SLC2A2: variants seen among roughly 807,000 people sequenced by gnomAD.
SLC2A2 encodes solute carrier family 2, facilitated glucose transporter member 2.
Under a neutral mutation model 54.5 loss-of-function variants are expected in SLC2A2, and 36 were observed. The ratio of observed to expected loss-of-function variants is 0.66; its 90% CI spans 0.51 to 0.87. SLC2A2 has a LOEUF of 0.87. Among genes scored for constraint, SLC2A2 ranks in the 40% least tolerant of loss-of-function variants. The pLI is 0.00. For synonymous variants in SLC2A2, 223 were observed against 219.1 expected (o/e 1.02, Z -0.16); for missense variants, 543 against 624.3 (o/e 0.87, Z 1.39).
At position 171,021,606 on chromosome 3, in the gene SLC2A2, C is replaced by T. The variant is rs571398711; in HGVS notation, c.16-2983G>A. ...TTCATGACCAGCCTGGGCAGCATAGCGAGATCCCCATCTCTACAACAACAT... is the reference window on the plus strand; with the variant it reads ...TTCATGACCAGCCTGGGCAGCATAGTGAGATCCCCATCTCTACAACAACAT... On this transcript the variant is annotated intron_variant, in intron 1 of 10. Coordinates refer to ENST00000314251, the MANE Select transcript of SLC2A2 (RefSeq NM_000340.2). Among the ~76,000 whole-genome samples, 15 of 152,240 alleles carry T rather than the reference C, an allele frequency of 9.9e-5. No individual in the cohort carries two copies. In the South Asian group the frequency reaches 2.1e-3, roughly 21 times the overall value.
intron 2 of SLC2A2, among the ~76,000 whole-genome samples, chr3:171,015,063 C>T (rs763444307): frequency 3.3e-5 from 5 of 152,174 alleles, no homozygotes; most frequent in African/African-American, 7.2e-5. Context: ...AAGCTGCAAA[C>T]GTGAAACTGG....
chr3:171,008,446 G>A (rs1173576958), intron 4 of SLC2A2, among the ~76,000 whole-genome samples: 4 of 151,992 alleles, frequency 2.6e-5, no homozygotes, highest in Admixed American at 2.0e-4. Context: ...TAAGCTCACA[G>A]GTCTGAAGTC....
intron 3 of SLC2A2, 59 bp from the exon 4 acceptor site, chr3:171,010,141 G>T (rs184539030): frequency 6.5e-7 from 1 of 1,541,068 alleles, no homozygotes. Flanking sequence ...AAAATTATTC[G>T]CTTTCAGAGC....
chr3:170,998,616 T>C (rs1372794739), intron 9 of SLC2A2, among the ~76,000 whole-genome samples: 1 of 152,190 alleles, frequency 6.6e-6, no homozygotes, highest in Non-Finnish European at 1.5e-5. Flanking sequence ...AGGATTTTCC[T>C]GTAAAAGAGG....
intron 1 of SLC2A2, among the ~76,000 whole-genome samples, chr3:171,019,125 G>GTATATATA (rs1716326440): frequency 4.0e-4 from 2 of 4,966 alleles, no homozygotes; most frequent in Non-Finnish European, 8.3e-4. Flanking sequence ...ATATATATAC[G>GTATATATA]TATGTATATA....
At chr3:171,016,640 A>G (rs1716164050) in intron 2 of SLC2A2, among the ~76,000 whole-genome samples, 1 of 132,542 alleles carries the variant, frequency 7.5e-6, no homozygotes, top group Admixed American at 7.4e-5. Context: ...CATTCAGCTG[A>G]TTAAAAAAAG....
At position 171,005,980 on chromosome 3, in the gene SLC2A2, A is replaced by G. The variant is rs1715582315; in HGVS notation, c.738T>C (p.Leu246=). 4.3e-6 allele frequency: 7 copies of G among 1,612,460 alleles called. No homozygotes were observed. The highest frequency in any genetic ancestry group is 5.9e-6 in the Non-Finnish European group (7 of 1,179,026). The change falls in exon 6 of 11, where the codon CTT becomes CTC. Residue 246 remains leucine, a synonymous_variant. Coordinates refer to ENST00000314251, the MANE Select transcript of SLC2A2 (RefSeq NM_000340.2). ...TGACTTCCTCATCTAACTTGATGTA[A>G]AGGTATCTGGGGCTTTCTGGACAGA... ...LFFCPESPRY[L]YIKLDEEVKA...
At chr3:171,024,002 G>A (rs1203552102) in intron 1 of SLC2A2, among the ~76,000 whole-genome samples, 1 of 152,124 alleles carries the variant, frequency 6.6e-6, no homozygotes, top group African/African-American at 2.4e-5. Context: ...ACAATGTAGT[G>A]TTTATATTGT....
intron 8 of SLC2A2, among the ~76,000 whole-genome samples, chr3:171,000,054 C>T (rs1715275238): frequency 6.6e-6 from 1 of 152,016 alleles, no homozygotes; most frequent in South Asian, 2.1e-4. Context: ...AGCAAGTTGG[C>T]TGGCTCATCA....
rs977284195 is a variant in SLC2A2, at chr3:171,014,658, A to G, written c.182T>C (p.Ile61Thr). The change falls in exon 3 of 11, where the codon ATC becomes ACC. Residue 61 changes from isoleucine to threonine, a missense_variant. Coordinates refer to ENST00000314251, the MANE Select transcript of SLC2A2 (RefSeq NM_000340.2). ...DDRKAINNYV[I>T]NSTDELPTIS... ...TGTGGGCAGTTCATCTGTACTGTTG[A>G]TAACATAGTTGTTGATAGCTTTTCG... is the stretch of plus-strand genomic sequence containing the variant. 5.0e-6 allele frequency: 8 copies of G among 1,613,958 alleles called. No homozygotes were observed. The highest frequency in any genetic ancestry group is 6.8e-6 in the Non-Finnish European group (8 of 1,179,926).
chr3:171,015,281 C>G (rs980208328), intron 2 of SLC2A2, among the ~76,000 whole-genome samples: 1 of 151,998 alleles, frequency 6.6e-6, no homozygotes, highest in African/African-American at 2.4e-5. Context: ...CTAGGCTGGG[C>G]AACATGGTGA....
rs200815600 is a variant in SLC2A2 at position 171,005,989 on chromosome 3, G to A, written c.729C>T (p.Pro243=). Residue 243 remains proline, a synonymous_variant, in exon 6 of 11, where the codon CCC becomes CCT. Transcript: ENST00000314251. The part of the protein sequence containing the change: ...SLLLFFCPES[P]RYLYIKLDEE... ...CATCTAACTTGATGTAAAGGTATCT[G>A]GGGCTTTCTGGACAGAAAAAGAGTA... 1 of 1,612,524 alleles carries A rather than the reference G, an allele frequency of 6.2e-7. No individual in the cohort carries two copies. The highest frequency in any genetic ancestry group is 2.2e-5 in the East Asian group (1 of 44,826).
chr3:171,024,043 A>G (rs1468392025), intron 1 of SLC2A2, among the ~76,000 whole-genome samples: 1 of 152,210 alleles, frequency 6.6e-6, no homozygotes, highest in African/African-American at 2.4e-5. Flanking sequence ...TCTATTAGAA[A>G]AAAACAAATA....
Position 171,002,096 on chromosome 3 carries a change from TA to T in SLC2A2, c.1068+479del, listed in dbSNP as rs1715363285. Among the ~76,000 whole-genome samples the T allele has an allele frequency of 5.3e-5, 8 of 152,090 alleles. No homozygotes were observed. In the South Asian group the frequency reaches 1.5e-3, roughly 28 times the overall value. On this transcript the variant is annotated intron_variant, in intron 8 of 10. Transcript: ENST00000314251. ...GTCTGTTTAACTTTGCTTAAAGGCT[TA>T]AATGTCTGTTAGAGAGGGCCTTGTT...
At chr3:171,026,352 TA>T (rs1716694497) in intron 1 of SLC2A2, among the ~76,000 whole-genome samples, 1 of 150,738 alleles carries the variant, frequency 6.6e-6, no homozygotes, top group South Asian at 2.1e-4. Flanking sequence ...TGATTAAATT[TA>T]GGTCAATCTG....
chr3:171,007,174 T>C lies in SLC2A2; in HGVS notation c.586A>G (p.Ile196Val). The change falls in exon 5 of 11, where the codon ATC (isoleucine) becomes GTC (valine). Residue 196 changes from isoleucine (I) to valine (V), a missense_variant. Ile to Val is a conservative substitution (Grantham distance 29). Coordinates refer to ENST00000314251, the MANE Select transcript of SLC2A2 (RefSeq NM_000340.2). ...TGACTAATAAGAATGCCCGTGACGA[T>C]GGCCAGCTGATGAAAAGTGCCAAGT... Reference protein sequence around the residue: ...GALGTFHQLAIVTGILISQII... With the variant: ...GALGTFHQLAVVTGILISQII... 6.2e-7 allele frequency: 1 copy of C among 1,612,056 alleles called. No individual in the cohort carries two copies. Among genetic ancestry groups the C allele is most frequent in the Non-Finnish European group, 8.5e-7 (1 of 1,178,542 alleles).
intron 2 of SLC2A2, among the ~76,000 whole-genome samples, chr3:171,015,271 C>G (rs754902832): frequency 6.6e-6 from 1 of 152,068 alleles, no homozygotes; most frequent in Non-Finnish European, 1.5e-5. Flanking sequence ...GAGTTTGAGA[C>G]TAGGCTGGGC....
rs1301114777 is a variant in SLC2A2, at chr3:171,017,396, A to G, written c.108+1135T>C. Among the ~76,000 whole-genome samples, 3 of 152,132 alleles carry G rather than the reference A, an allele frequency of 2.0e-5. No individual in the cohort carries two copies. The East Asian group carries it at 5.8e-4, about 29-fold the overall frequency. Reference sequence around the variant, plus strand: ...CCTGATGATTGTAGCACCTAATCGGAGCACGTCTTTCAGCAGGAAGCAGCC... The same window carrying G: ...CCTGATGATTGTAGCACCTAATCGGGGCACGTCTTTCAGCAGGAAGCAGCC... On this transcript the variant is annotated intron_variant, in intron 2 of 10. Transcript: ENST00000314251.
intron 7 of SLC2A2, among the ~76,000 whole-genome samples, chr3:171,003,915 A>G (rs1326291122): frequency 6.6e-6 from 1 of 152,068 alleles, no homozygotes; most frequent in African/African-American, 2.4e-5. Context: ...ATTGCATTTA[A>G]TCCAGAAAAT....
Sources: gnomAD v4.1 joint callset for allele counts (sites outside exome capture counted in the v4.1 genomes callset) on GRCh38, gnomAD v4.1.1 for gene constraint, MANE v1.5 for transcripts, NCBI Gene and HGNC (gene_info 2026-07-23, HGNC 2026-07-21) for gene names.